The following AXDND1 variants were observed in gnomAD, a reference collection of about 807,000 sequenced individuals.
AXDND1 encodes the protein axonemal dynein light chain domain containing 1.
Under a neutral mutation model 137.5 loss-of-function variants are expected in AXDND1, and 110 were observed. The ratio of observed to expected loss-of-function variants is 0.80; its 90% CI spans 0.69 to 0.94. AXDND1 has a LOEUF of 0.94. Among genes scored for constraint, AXDND1 ranks in the 40% least tolerant of loss-of-function variants. The pLI, the probability that AXDND1 is intolerant of heterozygous loss-of-function variation, is 0.00. For missense variants in AXDND1, 1,191 were observed against 1,169.8 expected (o/e 1.02, Z -0.26); for synonymous variants, 414 against 399.7 (o/e 1.04, Z -0.43).
chr1:179,527,665 C>T (rs1572176563), intron 22 of AXDND1, among the ~76,000 whole-genome samples: 1 of 152,106 alleles, frequency 6.6e-6, no homozygotes, highest in Non-Finnish European at 1.5e-5. Flanking sequence ...GGGCATTTCT[C>T]CTCTTGCTTT....
Position 179,389,681 on chromosome 1 carries a change from T to C in AXDND1, c.864-4222T>C, listed in dbSNP as rs184965439. Among the ~76,000 whole-genome samples the C allele has an allele frequency of 3.0e-3, 462 of 152,334 alleles. 3 individuals are homozygous for C. Among genetic ancestry groups the C allele is most frequent in the African/African-American group, 0.01 (428 of 41,580 alleles). On this transcript the variant is annotated intron_variant, in intron 9 of 25. Coordinates refer to ENST00000367618, the MANE Select transcript of AXDND1 (RefSeq NM_144696.6). ...TACTATTTTTTGTTTGTTCTTATTG[T>C]TTTTCATCCCTAGAGTCTTCTGTTT... is the stretch of plus-strand genomic sequence containing the variant.
intron 25 of AXDND1, 175 bp downstream of exon 25, chr1:179,535,137 A>T (rs1259233822): frequency 1.1e-6 from 1 of 912,906 alleles, no homozygotes; most frequent in African/African-American, 1.7e-5. Context: ...GACAACTCAC[A>T]AAAAGGAAAA....
At chr1:179,468,819 C>T (rs963052060) in intron 17 of AXDND1, 178 bp downstream of exon 17, 2 of 443,634 alleles carry the variant, frequency 4.5e-6, no homozygotes, top group African/African-American at 4.1e-5. Flanking sequence ...AAAAAGAAGC[C>T]TTATGCACTT....
chr1:179,441,610 T>A (rs4651032), intron 15 of AXDND1, among the ~76,000 whole-genome samples: 98,583 of 152,126 alleles, frequency 0.65, 32,278 homozygotes, highest in Middle Eastern at 0.7. Context: ...ATCTTGCAAG[T>A]ACTTGCACAT....
intron 15 of AXDND1, among the ~76,000 whole-genome samples, chr1:179,441,296 C>A (rs558152998): frequency 2.5e-4 from 38 of 152,304 alleles, no homozygotes; most frequent in African/African-American, 9.1e-4. Flanking sequence ...CATATGGCGG[C>A]ATTCCTTTTT....
At chr1:179,473,421 C>G (rs929273778) in intron 17 of AXDND1, among the ~76,000 whole-genome samples, 7 of 152,000 alleles carry the variant, frequency 4.6e-5, no homozygotes, top group African/African-American at 1.7e-4. Context: ...TTGCTTGAAT[C>G]CAAGAGGTGG....
chr1:179,531,971 GAGA>G (rs1671077859), intron 23 of AXDND1, among the ~76,000 whole-genome samples: 1 of 152,206 alleles, frequency 6.6e-6, no homozygotes, highest in South Asian at 2.1e-4. Context: ...TTTGGAGTCT[GAGA>G]AGAAGGCTTG....
At chr1:179,497,621 A>T (rs975886098) in intron 20 of AXDND1, among the ~76,000 whole-genome samples, 1 of 152,164 alleles carries the variant, frequency 6.6e-6, no homozygotes, top group Non-Finnish European at 1.5e-5. Flanking sequence ...GCCCAGTCTT[A>T]CTATTCCTAT....
chr1:179,469,992 A>G (rs773426597), intron 17 of AXDND1, among the ~76,000 whole-genome samples: 7 of 151,990 alleles, frequency 4.6e-5, no homozygotes, highest in Admixed American at 1.3e-4. Flanking sequence ...ATTTTAGTTA[A>G]TTTTTGTATA....
At chr1:179,512,672 G>A (rs12562721) in intron 21 of AXDND1, among the ~76,000 whole-genome samples, 133,679 of 152,212 alleles carry the variant, frequency 0.88, 58,876 homozygotes, top group East Asian at 0.96. Flanking sequence ...TATTTTCACA[G>A]TATTGATTCT....
At chr1:179,449,309 C>T (rs1660192863) in intron 16 of AXDND1, 1 of 304,560 alleles carries the variant, frequency 3.3e-6, no homozygotes, top group Non-Finnish European at 6.5e-6. Context: ...ATAGTCTTGG[C>T]ATCCTTGTCA....
At chr1:179,405,367 T>C (rs1320151138) in intron 11 of AXDND1, among the ~76,000 whole-genome samples, 2 of 152,244 alleles carry the variant, frequency 1.3e-5, no homozygotes, top group African/African-American at 4.8e-5. Flanking sequence ...TTGTAAATAA[T>C]GCTGCAGTAA....
intron 18 of AXDND1, among the ~76,000 whole-genome samples, chr1:179,487,389 T>C (rs1666198005): frequency 6.7e-6 from 1 of 148,408 alleles, no homozygotes. Flanking sequence ...CATGCAAAAA[T>C]TACTCAGTTG....
chr1:179,423,505 C>G (rs1161999652), intron 12 of AXDND1, among the ~76,000 whole-genome samples: 1 of 152,016 alleles, frequency 6.6e-6, no homozygotes, highest in Non-Finnish European at 1.5e-5. Flanking sequence ...TATAACTCCT[C>G]TTTTCCTTTC....
chr1:179,529,157 T>C (rs1337549098), intron 23 of AXDND1, among the ~76,000 whole-genome samples: 1 of 152,240 alleles, frequency 6.6e-6, no homozygotes, highest in Non-Finnish European at 1.5e-5. Flanking sequence ...TCTAGATCAG[T>C]GTCTTACTCT....
At chr1:179,517,204 A>C (rs1669628145) in intron 21 of AXDND1, among the ~76,000 whole-genome samples, 1 of 152,098 alleles carries the variant, frequency 6.6e-6, no homozygotes, top group Admixed American at 6.5e-5. Flanking sequence ...GCCTCTGCTG[A>C]GTCATGCAGG....
intron 4 of AXDND1, 70 bp from the exon 5 acceptor site, chr1:179,378,567 A>T: frequency 8.0e-7 from 1 of 1,247,766 alleles, no homozygotes; most frequent in Non-Finnish European, 1.1e-6. Flanking sequence ...ATATGTGTGG[A>T]TCTCACCTGC....
At chr1:179,379,627 C>A in intron 6 of AXDND1, 145 bp downstream of exon 6, 1 of 1,073,056 alleles carries the variant, frequency 9.3e-7, no homozygotes, top group Non-Finnish European at 1.3e-6. Context: ...AAGTCCGTCT[C>A]TACAGAAAAT....
chr1:179,543,197 G>A (rs373135524), intron 25 of AXDND1: 1 of 152,202 alleles, frequency 6.6e-6, no homozygotes, highest in Non-Finnish European at 1.5e-5. Flanking sequence ...GACCTGGACA[G>A]AGTAGGGGAT....
Sources: allele counts gnomAD v4.1 joint callset (sites outside exome capture counted in the v4.1 genomes callset), GRCh38; gene constraint gnomAD v4.1.1; transcripts MANE v1.5; gene names NCBI Gene and HGNC (gene_info 2026-07-23, HGNC 2026-07-21).